The following ATG10 variants were observed in gnomAD, a reference collection of about 807,000 sequenced individuals.
ATG10 encodes autophagy related 10, also known as ubiquitin-like-conjugating enzyme ATG10.
ATG10 carries 30 observed loss-of-function variants against 32.1 expected under a neutral mutation model. The observed-to-expected ratio is 0.94, with a 90% confidence interval of 0.70 to 1.27. The LOEUF (loss-of-function observed/expected upper bound fraction) is 1.27, where lower values mean the gene tolerates loss of function less well. Among genes scored for constraint, ATG10 ranks in the 50% most tolerant of loss-of-function variants. The pLI is 0.00. For synonymous variants in ATG10, 87 were observed against 91.5 expected (o/e 0.95, Z 0.28); for missense variants, 233 against 262.3 (o/e 0.89, Z 0.77).
intron 5 of ATG10, among the ~76,000 whole-genome samples, chr5:82,186,019 T>A (rs1370862099): frequency 6.6e-6 from 1 of 152,234 alleles, no homozygotes; most frequent in African/African-American, 2.4e-5. Context: ...TCCTGATGGC[T>A]GATAATGACA....
intron 3 of ATG10, among the ~76,000 whole-genome samples, chr5:82,094,233 C>A (rs948847359): frequency 6.6e-6 from 1 of 152,040 alleles, no homozygotes; most frequent in Non-Finnish European, 1.5e-5. Context: ...AATCACTGCC[C>A]ATTTGTTGCT....
intron 2 of ATG10, among the ~76,000 whole-genome samples, chr5:82,031,553 G>C (rs1325897383): frequency 6.6e-6 from 1 of 152,232 alleles, no homozygotes; most frequent in Non-Finnish European, 1.5e-5. Context: ...GGTTGCCCTG[G>C]CAACGGGGCT....
intron 3 of ATG10, among the ~76,000 whole-genome samples, chr5:82,152,080 T>C (rs1196204085): frequency 6.6e-6 from 1 of 152,236 alleles, no homozygotes; most frequent in Non-Finnish European, 1.5e-5. Context: ...CAAATTGCTC[T>C]CATCAAAATA....
intron 5 of ATG10, among the ~76,000 whole-genome samples, chr5:82,197,459 T>TCTACCTACCTACCTAC (rs10592620): frequency 6.7e-6 from 1 of 148,620 alleles, no homozygotes; most frequent in Non-Finnish European, 1.5e-5. Flanking sequence ...TATCTGTCTA[T>TCTACCTACCTACCTAC]CTACCTACCT....
At chr5:82,124,942 C>T (rs907249604) in intron 3 of ATG10, among the ~76,000 whole-genome samples, 1 of 152,180 alleles carries the variant, frequency 6.6e-6, no homozygotes, top group East Asian at 1.9e-4. Flanking sequence ...CACATCCTCT[C>T]CAGCATCTGT....
chr5:82,078,055 T>C lies in ATG10; in HGVS notation c.216+19453T>C, dbSNP rs936727440. 2.6e-5 allele frequency among the ~76,000 whole-genome samples: 4 copies of C among 152,316 alleles called. 1 individual carries two copies. Among genetic ancestry groups the C allele is most frequent in the South Asian group, 4.1e-4 (2 of 4,826 alleles). ...TTAAGTGTAATATGGTCATTTTTCT[T>C]CGATTATAATTTTTCAGACATCTCA... On this transcript the variant is annotated intron_variant, in intron 3 of 7. Coordinates refer to ENST00000282185, the MANE Select transcript of ATG10 (RefSeq NM_031482.5).
rs1212568655 is a variant in ATG10, at chr5:81,991,344, G to A, written c.108+3666G>A. 4.6e-5 allele frequency among the ~76,000 whole-genome samples: 7 copies of A among 151,906 alleles called. No individual in the cohort carries two copies. In the East Asian group the frequency reaches 7.7e-4, roughly 17 times the overall value. On this transcript the variant is annotated intron_variant, in intron 2 of 7. Coordinates refer to ENST00000282185, the MANE Select transcript of ATG10 (RefSeq NM_031482.5). ...TTTTTTTTTAAATTGTTGTATTGATGTATAATTGGCATACAATAAACTACA... is the reference window on the plus strand; with the variant it reads ...TTTTTTTTTAAATTGTTGTATTGATATATAATTGGCATACAATAAACTACA...
chr5:82,228,443 GTC>G (rs1294989545), intron 5 of ATG10, among the ~76,000 whole-genome samples: 6 of 152,068 alleles, frequency 3.9e-5, no homozygotes, highest in Non-Finnish European at 8.8e-5. Flanking sequence ...AAACTCCTTT[GTC>G]TCTCTATTTT....
intron 3 of ATG10, among the ~76,000 whole-genome samples, chr5:82,152,601 T>C (rs1414818581): frequency 6.6e-6 from 1 of 152,190 alleles, no homozygotes; most frequent in Non-Finnish European, 1.5e-5. Context: ...GCCAAGGCCT[T>C]TTGGTGCCTG....
intron 2 of ATG10, among the ~76,000 whole-genome samples, chr5:81,991,318 AT>A (rs985866405): frequency 2.6e-5 from 4 of 151,620 alleles, no homozygotes; most frequent in African/African-American, 4.8e-5. Context: ...TCAGAAATTT[AT>A]TTTTTTTTAA....
chr5:82,178,012 C>T (rs1744097712), intron 4 of ATG10, among the ~76,000 whole-genome samples: 1 of 152,104 alleles, frequency 6.6e-6, no homozygotes, highest in African/African-American at 2.4e-5. Flanking sequence ...TTTTTCTTCT[C>T]TCTATTCTCC....
intron 3 of ATG10, among the ~76,000 whole-genome samples, chr5:82,127,688 A>C (rs778799557): frequency 6.6e-6 from 1 of 151,990 alleles, no homozygotes; most frequent in Non-Finnish European, 1.5e-5. Flanking sequence ...GCTGAGGAGT[A>C]TTTTATTTCC....
Position 82,007,538 on chromosome 5 carries a change from C to T in ATG10, c.108+19860C>T, listed in dbSNP as rs528979576. Among the ~76,000 whole-genome samples, 179 of 152,174 alleles carry T rather than the reference C, an allele frequency of 1.2e-3. 2 individuals carry two copies. The highest frequency in any genetic ancestry group is 2.2e-3 in the Admixed American group (34 of 15,302). On this transcript the variant is annotated intron_variant, in intron 2 of 7. Transcript: ENST00000282185. ...TGCAATTTCGGTTCACTGCAGTCTC[C>T]GCCTACTGGGCTCAAGTGATCTTCC... is the stretch of plus-strand genomic sequence containing the variant.
rs1743561271 is a variant in ATG10, at chr5:82,165,909, A to T, written c.355+1372A>T. 2.0e-5 allele frequency among the ~76,000 whole-genome samples: 3 copies of T among 152,226 alleles called. No individual in the cohort carries two copies. In the South Asian group the frequency reaches 6.2e-4, roughly 32 times the overall value. On this transcript the variant is annotated intron_variant, in intron 4 of 7. Coordinates refer to ENST00000282185, the MANE Select transcript of ATG10 (RefSeq NM_031482.5). ...AGAGGAAATAAGACATTACTTCTTC[A>T]ATACTGTACTTTCATATAATTAGTA...
At chr5:81,984,176 G>T (rs1460104423) in intron 1 of ATG10, among the ~76,000 whole-genome samples, 7 of 152,282 alleles carry the variant, frequency 4.6e-5, no homozygotes. Flanking sequence ...TGCAATCCCG[G>T]CACCTCGGGA....
chr5:82,227,440 T>C (rs1047243282), intron 5 of ATG10, among the ~76,000 whole-genome samples: 7 of 152,106 alleles, frequency 4.6e-5, no homozygotes, highest in African/African-American at 1.7e-4. Flanking sequence ...AGTGGTGCGA[T>C]CTTGGCTTAC....
At chr5:81,976,493 A>T (rs1323477432) in intron 1 of ATG10, among the ~76,000 whole-genome samples, 2 of 152,210 alleles carry the variant, frequency 1.3e-5, no homozygotes, top group East Asian at 3.8e-4. Flanking sequence ...CACCAAACTC[A>T]GTGTAAATGG....
In ATG10 at chr5:81,983,824, G is replaced by A. The variant is rs375644004; in HGVS notation, c.-12-3735G>A. ...CAGAGACGCTCCTCACCTCCCAGACGGGGTCGTGGCCAGGCAGAGACGCTC... is the reference window on the plus strand; with the variant it reads ...CAGAGACGCTCCTCACCTCCCAGACAGGGTCGTGGCCAGGCAGAGACGCTC... On this transcript the variant is annotated intron_variant, in intron 1 of 7. Coordinates refer to ENST00000282185, the MANE Select transcript of ATG10 (RefSeq NM_031482.5). 2.0e-5 allele frequency among the ~76,000 whole-genome samples: 3 copies of A among 152,004 alleles called. 1 individual carries two copies. In the South Asian group the frequency reaches 6.2e-4, roughly 31 times the overall value.
intron 2 of ATG10, among the ~76,000 whole-genome samples, chr5:82,034,083 A>G (rs1241446650): frequency 6.6e-6 from 1 of 150,624 alleles, no homozygotes. Context: ...ATGTGTATAT[A>G]TATATCATAT....
Sources: allele counts gnomAD v4.1 joint callset (sites outside exome capture counted in the v4.1 genomes callset), GRCh38; gene constraint gnomAD v4.1.1; transcripts MANE v1.5; gene names NCBI Gene and HGNC (gene_info 2026-07-23, HGNC 2026-07-21).